The following GLIS3 variants were observed in gnomAD, a reference collection of about 807,000 sequenced individuals.
GLIS3 encodes the protein GLIS family zinc finger 3.
A neutral mutation model predicts 78.6 loss-of-function variants in GLIS3; 53 were observed. That is an observed-to-expected ratio of 0.67 (90% CI 0.54 to 0.85). The LOEUF (loss-of-function observed/expected upper bound fraction) is 0.85. Ranked by LOEUF, GLIS3 falls within the 40% of genes least tolerant of loss-of-function variation. GLIS3 has a pLI of 0.00. For missense variants in GLIS3, 1,703 were observed against 1,231.1 expected (o/e 1.38, Z -5.74); for synonymous variants, 684 against 509.9 (o/e 1.34, Z -4.60).
intron 4 of GLIS3, among the ~76,000 whole-genome samples, chr9:4,044,623 G>A (rs935856667): frequency 2.0e-5 from 3 of 152,202 alleles, no homozygotes; most frequent in Non-Finnish European, 2.9e-5. Context: ...GCACATTGCA[G>A]TCTGGGTTGG....
At chr9:4,140,830 C>CAAAAA (rs1833757891) in intron 2 of GLIS3, among the ~76,000 whole-genome samples, 2 of 140,422 alleles carry the variant, frequency 1.4e-5, no homozygotes, top group African/African-American at 5.4e-5. Context: ...CGGAGTTTTG[C>CAAAAA]TCTTATTGCC....
chr9:4,261,990 T>G (rs911539694), intron 2 of GLIS3, among the ~76,000 whole-genome samples: 2 of 152,208 alleles, frequency 1.3e-5, no homozygotes, highest in African/African-American at 4.8e-5. Flanking sequence ...GTTCTAAAAG[T>G]TCCTGTGTAA....
chr9:4,297,070 A>G (rs1816594172), intron 1 of GLIS3, among the ~76,000 whole-genome samples: 1 of 152,136 alleles, frequency 6.6e-6, no homozygotes, highest in Non-Finnish European at 1.5e-5. Context: ...AGGAGGAGAT[A>G]AAAGAGAAGA....
intron 4 of GLIS3, among the ~76,000 whole-genome samples, chr9:4,090,046 G>A (rs946209097): frequency 6.6e-6 from 1 of 152,162 alleles, no homozygotes; most frequent in African/African-American, 2.4e-5. Flanking sequence ...GGGTTGTCCT[G>A]CCTGGGCTCA....
intron 4 of GLIS3, among the ~76,000 whole-genome samples, chr9:3,962,447 A>T (rs1817630612): frequency 6.6e-6 from 1 of 152,160 alleles, no homozygotes; most frequent in Non-Finnish European, 1.5e-5. Context: ...TTCCCCAGCA[A>T]TCTTAATTTT....
intron 2 of GLIS3, among the ~76,000 whole-genome samples, chr9:4,196,110 C>G (rs1161211338): frequency 6.6e-6 from 1 of 152,028 alleles, no homozygotes; most frequent in Non-Finnish European, 1.5e-5. Flanking sequence ...TGTAAATGCA[C>G]TAATCAGTGC....
intron 4 of GLIS3, among the ~76,000 whole-genome samples, chr9:4,075,784 G>C (rs1318941396): frequency 6.6e-6 from 1 of 151,874 alleles, no homozygotes; most frequent in African/African-American, 2.4e-5. Flanking sequence ...TCAATAAAAA[G>C]GAACTACTTA....
chr9:4,463,421 C>A, the GLIS3 span, among the ~76,000 whole-genome samples: 3 of 151,696 alleles, frequency 2.0e-5, no homozygotes, highest in Non-Finnish European at 2.9e-5. Context: ...TGCTCTCTCA[C>A]CCAACCCTCT....
At chr9:4,319,915 C>T (rs10814931) in intron 2 of GLIS3, among the ~76,000 whole-genome samples, 35,176 of 151,880 alleles carry the variant, frequency 0.23, 4,487 homozygotes, top group African/African-American at 0.33. Flanking sequence ...AATCTGTCTA[C>T]GCATGGCTCA....
At chr9:4,075,596 A>C (rs115806544) in intron 4 of GLIS3, among the ~76,000 whole-genome samples, 1 of 152,142 alleles carries the variant, frequency 6.6e-6, no homozygotes, top group South Asian at 2.1e-4. Context: ...AAAACAAAAC[A>C]AAAAAGATAT....
intron 2 of GLIS3, among the ~76,000 whole-genome samples, chr9:4,204,173 T>A (rs1819644433): frequency 6.6e-6 from 1 of 152,162 alleles, no homozygotes; most frequent in African/African-American, 2.4e-5. Flanking sequence ...AATGATCTAC[T>A]ATGAAGGAAA....
chr9:3,929,447 G>T (rs1223526220), intron 6 of GLIS3, among the ~76,000 whole-genome samples: 2 of 152,000 alleles, frequency 1.3e-5, no homozygotes, highest in African/African-American at 4.8e-5. Context: ...AAAGGGCCAC[G>T]TGCCCACGGT....
At chr9:3,862,930 C>T (rs1475066506) in intron 8 of GLIS3, among the ~76,000 whole-genome samples, 1 of 151,908 alleles carries the variant, frequency 6.6e-6, no homozygotes, top group Non-Finnish European at 1.5e-5. Context: ...TTTATTTCCC[C>T]AAAGAATTGT....
chr9:4,336,956 C>T (rs1316399909), intron 2 of GLIS3, among the ~76,000 whole-genome samples: 1 of 152,146 alleles, frequency 6.6e-6, no homozygotes, highest in East Asian at 1.9e-4. Context: ...AGTAAATGGA[C>T]AATTTCCAGA....
the GLIS3 span, among the ~76,000 whole-genome samples, chr9:4,391,092 G>T: frequency 1.3e-5 from 2 of 151,652 alleles, no homozygotes; most frequent in Non-Finnish European, 2.9e-5. Context: ...GCCCACCATC[G>T]CTGCCAGGAT....
chr9:3,977,414 T>C lies in GLIS3; in HGVS notation c.1711-40225A>G, dbSNP rs367748480. Among the ~76,000 whole-genome samples the C allele has an allele frequency of 6.6e-6, 1 of 152,128 alleles. No homozygotes were observed. Among genetic ancestry groups the C allele is most frequent in the Non-Finnish European group, 1.5e-5 (1 of 68,026 alleles). ...TTTAATTTATTTTGGAGAACTGAGG[T>C]TGATATCCACTAGTGCTATTATTAA... On this transcript the variant is annotated intron_variant, in intron 4 of 10. Coordinates refer to ENST00000381971, the MANE Select transcript of GLIS3 (RefSeq NM_001042413.2). The surrounding 1 kb of genome is among the most constrained non-coding windows in gnomAD (Gnocchi z 4.1).
chr9:4,467,181 C>T, the GLIS3 span, among the ~76,000 whole-genome samples: 1 of 152,220 alleles, frequency 6.6e-6, no homozygotes, highest in Non-Finnish European at 1.5e-5. Flanking sequence ...GGCCTGCCTG[C>T]CTCTGTAGAC....
At chr9:3,902,628 G>A (rs1421927234) in intron 6 of GLIS3, among the ~76,000 whole-genome samples, 5 of 152,100 alleles carry the variant, frequency 3.3e-5, no homozygotes, top group Non-Finnish European at 5.9e-5. Flanking sequence ...CACCTGCAGC[G>A]CCCCACCCCA....
intron 4 of GLIS3, among the ~76,000 whole-genome samples, chr9:3,993,598 G>A (rs540380821): frequency 7.2e-5 from 11 of 152,226 alleles, no homozygotes; most frequent in Admixed American, 2.0e-4. Flanking sequence ...GAATTCCCTA[G>A]GTTCCTAATG....
Sources: gnomAD v4.1 joint callset for allele counts (sites outside exome capture counted in the v4.1 genomes callset) on GRCh38, gnomAD v4.1.1 for gene constraint, Gnocchi (gnomAD v3.1) non-coding constraint, MANE v1.5 for transcripts, NCBI Gene and HGNC (gene_info 2026-07-23, HGNC 2026-07-21) for gene names.